NXPH2: variants seen among roughly 807,000 people sequenced by gnomAD.
NXPH2 encodes neurexophilin 2, also known as neurexophilin-2.
Under a neutral mutation model 19.8 loss-of-function variants are expected in NXPH2, and 5 were observed. The ratio of observed to expected loss-of-function variants is 0.25; its 90% CI spans 0.13 to 0.53. NXPH2 has a LOEUF of 0.53. Ranked by LOEUF, NXPH2 falls within the 20% of genes least tolerant of loss-of-function variation. The pLI is 0.96. For missense variants in NXPH2, 289 were observed against 322.8 expected, an observed-to-expected ratio of 0.90 and a Z score of 0.80; for synonymous variants, 154 against 127.4, an observed-to-expected ratio of 1.21 and a Z score of -1.41.
intron 1 of NXPH2, among the ~76,000 whole-genome samples, chr2:138,719,592 G>A (rs1681244848): frequency 1.3e-5 from 2 of 152,146 alleles, no homozygotes; most frequent in African/African-American, 4.8e-5. Flanking sequence ...AATGGGCAGG[G>A]AGCTATGGCT....
intron 1 of NXPH2, among the ~76,000 whole-genome samples, chr2:138,748,861 T>C (rs1484381870): frequency 6.6e-6 from 1 of 152,150 alleles, no homozygotes; most frequent in Non-Finnish European, 1.5e-5. Context: ...TTATGCATTG[T>C]GATCAGCAAG....
At chr2:138,700,865 G>A (rs114283959) in intron 1 of NXPH2, among the ~76,000 whole-genome samples, 3,369 of 152,082 alleles carry the variant, frequency 0.022, 55 homozygotes, top group Non-Finnish European at 0.035. Flanking sequence ...CCACAGTGGC[G>A]CTGATATCTT....
intron 1 of NXPH2, among the ~76,000 whole-genome samples, chr2:138,746,849 A>T (rs1041376184): frequency 1.3e-5 from 2 of 152,046 alleles, no homozygotes; most frequent in Non-Finnish European, 2.9e-5. Flanking sequence ...CTTTTTCTCA[A>T]AGAAATTTCC....
intron 1 of NXPH2, among the ~76,000 whole-genome samples, chr2:138,736,612 T>A (rs577447068): frequency 7.7e-4 from 117 of 152,264 alleles, no homozygotes; most frequent in Non-Finnish European, 1.5e-3. Context: ...CCTGGAGACA[T>A]TTTTCCCATT....
intron 1 of NXPH2, among the ~76,000 whole-genome samples, chr2:138,676,914 G>A (rs1304780424): frequency 6.6e-6 from 1 of 152,208 alleles, no homozygotes; most frequent in Non-Finnish European, 1.5e-5. Context: ...TGGCATCTGA[G>A]TCACATCCAA....
chr2:138,762,956 G>C (rs1223602684), intron 1 of NXPH2, among the ~76,000 whole-genome samples: 1 of 152,202 alleles, frequency 6.6e-6, no homozygotes, highest in Non-Finnish European at 1.5e-5. Context: ...TTCATATACA[G>C]GAGAGCGTAT....
intron 1 of NXPH2, among the ~76,000 whole-genome samples, chr2:138,735,631 C>T (rs1681527831): frequency 6.6e-6 from 1 of 152,124 alleles, no homozygotes; most frequent in African/African-American, 2.4e-5. Flanking sequence ...TTTCACCTGG[C>T]CCCTCCAAAT....
chr2:138,739,272 A>G (rs1391200482), intron 1 of NXPH2, among the ~76,000 whole-genome samples: 1 of 152,240 alleles, frequency 6.6e-6, no homozygotes, highest in Non-Finnish European at 1.5e-5. Flanking sequence ...AGGAAGAGAA[A>G]GAGAACGAGG....
intron 1 of NXPH2, among the ~76,000 whole-genome samples, chr2:138,677,724 A>G (rs574249987): frequency 6.6e-6 from 1 of 152,336 alleles, no homozygotes; most frequent in South Asian, 2.1e-4. Context: ...CAAATTATGG[A>G]AATAATTTAT....
chr2:138,674,272 G>C (rs1680453993), intron 1 of NXPH2, among the ~76,000 whole-genome samples: 1 of 151,870 alleles, frequency 6.6e-6, no homozygotes, highest in African/African-American at 2.4e-5. Flanking sequence ...TTGCACATCA[G>C]CCTCCCGAGT....
chr2:138,757,243 A>G (rs1167435132), intron 1 of NXPH2, among the ~76,000 whole-genome samples: 1 of 152,184 alleles, frequency 6.6e-6, no homozygotes, highest in East Asian at 1.9e-4. Context: ...AGGCTGAACT[A>G]CATTTCTCAG....
At chr2:138,756,075 T>C (rs922392012) in intron 1 of NXPH2, among the ~76,000 whole-genome samples, 1 of 152,030 alleles carries the variant, frequency 6.6e-6, no homozygotes, top group African/African-American at 2.4e-5. Context: ...GTTCTTTGTA[T>C]TGATTCTTTG....
intron 1 of NXPH2, among the ~76,000 whole-genome samples, chr2:138,772,589 G>A (rs1445388499): frequency 1.3e-5 from 2 of 152,130 alleles, no homozygotes; most frequent in Admixed American, 6.5e-5. Flanking sequence ...GAGCCACCGC[G>A]CCCGGCCCAT....
chr2:138,696,140 C>G (rs995160849), intron 1 of NXPH2, among the ~76,000 whole-genome samples: 7 of 152,124 alleles, frequency 4.6e-5, no homozygotes, highest in Non-Finnish European at 1.0e-4. Context: ...GAAGAATAAA[C>G]AAGTACAATC....
intron 1 of NXPH2, among the ~76,000 whole-genome samples, chr2:138,715,207 C>T (rs1277845042): frequency 6.6e-6 from 1 of 152,144 alleles, no homozygotes; most frequent in Non-Finnish European, 1.5e-5. Context: ...TCTCTTGGCA[C>T]AATATTTATT....
intron 1 of NXPH2, among the ~76,000 whole-genome samples, chr2:138,682,381 G>A (rs1257734333): frequency 6.6e-6 from 1 of 152,070 alleles, no homozygotes; most frequent in African/African-American, 2.4e-5. Context: ...AGTATGGCTT[G>A]CCCTAGAGTC....
chr2:138,750,685 A>T (rs1052405518), intron 1 of NXPH2, among the ~76,000 whole-genome samples: 1 of 152,196 alleles, frequency 6.6e-6, no homozygotes, highest in African/African-American at 2.4e-5. Flanking sequence ...GAATGATGGC[A>T]AATCTGCTGG....
chr2:138,742,131 T>C (rs1202747861), intron 1 of NXPH2, among the ~76,000 whole-genome samples: 1 of 152,060 alleles, frequency 6.6e-6, no homozygotes, highest in Non-Finnish European at 1.5e-5. Flanking sequence ...GAATAATGAG[T>C]CTTGGGCTCA....
chr2:138,761,610 C>T (rs1682019622), intron 1 of NXPH2, among the ~76,000 whole-genome samples: 1 of 152,182 alleles, frequency 6.6e-6, no homozygotes, highest in Non-Finnish European at 1.5e-5. Flanking sequence ...TCCTGTGCCA[C>T]TTGAAGCTAA....
Sources: allele counts gnomAD v4.1 joint callset (sites outside exome capture counted in the v4.1 genomes callset), GRCh38; gene constraint gnomAD v4.1.1; transcripts MANE v1.5; gene names NCBI Gene and HGNC (gene_info 2026-07-23, HGNC 2026-07-21).